Variants in AFTPH observed in about 807,000 individuals in gnomAD.
AFTPH encodes aftiphilin protein.
AFTPH carries 7 observed loss-of-function variants against 72.5 expected under a neutral mutation model. The observed-to-expected ratio is 0.10, with a 90% CI of 0.05 to 0.18. AFTPH has a LOEUF of 0.18. Among genes scored for constraint, AFTPH ranks in the 10% least tolerant of loss-of-function variants. AFTPH has a pLI of 1.00. For missense variants in AFTPH, 979 were observed against 1,060.5 expected (o/e 0.92, Z 1.07); for synonymous variants, 337 against 370.1 (o/e 0.91, Z 1.03).
chr2:64,552,303 A>C (rs549069405), exon 2 of AFTPH: 1 of 1,614,130 alleles, frequency 6.2e-7, no homozygotes, highest in Non-Finnish European at 8.5e-7. Context: ...GAATTCTGTA[A>C]AAGAAGTGGC....
intron 1 of AFTPH, among the ~76,000 whole-genome samples, chr2:64,548,021 G>C (rs1361685090): frequency 6.6e-6 from 1 of 151,446 alleles, no homozygotes; most frequent in African/African-American, 2.4e-5. Flanking sequence ...GAACTCCTGG[G>C]CTCAAGTAAT....
chr2:64,541,034 T>C (rs1670221136), intron 1 of AFTPH, among the ~76,000 whole-genome samples: 1 of 152,166 alleles, frequency 6.6e-6, no homozygotes, highest in Admixed American at 6.5e-5. Flanking sequence ...TTGATTAACT[T>C]GTGATTAATT....
intron 1 of AFTPH, among the ~76,000 whole-genome samples, chr2:64,540,081 G>A (rs1197100557): frequency 6.6e-6 from 1 of 152,170 alleles, no homozygotes. Flanking sequence ...CTGTAGACAA[G>A]ATTGTGGATG....
intron 1 of AFTPH, among the ~76,000 whole-genome samples, chr2:64,544,852 G>T (rs1464069777): frequency 6.6e-6 from 1 of 152,136 alleles, no homozygotes; most frequent in Non-Finnish European, 1.5e-5. Flanking sequence ...GCCAATACCT[G>T]CTGCAGGGGA....
intron 5 of AFTPH, among the ~76,000 whole-genome samples, chr2:64,571,583 TTTAG>T (rs1318927412): frequency 2.0e-5 from 3 of 152,186 alleles, no homozygotes; most frequent in Non-Finnish European, 4.4e-5. Context: ...TGCAAACTGT[TTTAG>T]TTAGTTTACA....
In AFTPH at chr2:64,592,009, A is replaced by C. The variant is rs151146587; in HGVS notation, c.2704A>C (p.Ser902Arg). ...CCCAGCCACGTTAACACCTTCCACA[A>C]GCTCTCAAGAAAAAGCAGACGGATA... Residue 902 changes from serine to arginine, a missense_variant, in exon 9 of 9, where the codon AGC (serine) becomes CGC (arginine). This residue lies in a region of AFTPH where 438 missense variants were observed against 530.0 expected (regional missense o/e 0.83). Transcript: ENST00000238856. 2.9e-4 allele frequency: 471 copies of C among 1,613,900 alleles called. 1 individual carries two copies. The African/African-American group carries it at 5.7e-3, about 19-fold the overall frequency.
At chr2:64,587,820 C>G (rs1033625807) in intron 8 of AFTPH, among the ~76,000 whole-genome samples, 1 of 152,096 alleles carries the variant, frequency 6.6e-6, no homozygotes. Context: ...GTTCCATCTT[C>G]TTGCCTAACT....
chr2:64,543,641 C>T (rs543943032), intron 1 of AFTPH, among the ~76,000 whole-genome samples: 6 of 152,318 alleles, frequency 3.9e-5, no homozygotes, highest in Non-Finnish European at 7.4e-5. Flanking sequence ...CCTTTCCCCA[C>T]CACACTGCAG....
At chr2:64,585,488 T>G (rs1558633774) in exon 8 of AFTPH, 1 of 1,613,782 alleles carries the variant, frequency 6.2e-7, no homozygotes. Flanking sequence ...AGCCTCAAAG[T>G]GACTGATGCA....
At chr2:64,531,126 A>G (rs1433503031) in intron 1 of AFTPH, among the ~76,000 whole-genome samples, 1 of 151,926 alleles carries the variant, frequency 6.6e-6, no homozygotes, top group Non-Finnish European at 1.5e-5. Flanking sequence ...ACTGTGTAGA[A>G]TGCCATTTTC....
intron 8 of AFTPH, among the ~76,000 whole-genome samples, chr2:64,586,332 T>G (rs951870808): frequency 1.3e-5 from 2 of 152,242 alleles, no homozygotes; most frequent in African/African-American, 4.8e-5. Context: ...AAAGTGGAAC[T>G]ATTTACCTAT....
In AFTPH at chr2:64,542,624, C is replaced by T. The variant is rs184589872; in HGVS notation, c.-32-8819C>T. ...ATTTAGTTTGTTATCAGCATCCCCC[C>T]GCCCCCATGCCCCCAAGCCTATGAA... On this transcript the variant is annotated intron_variant, in intron 1 of 8. Transcript: ENST00000238856. Among the ~76,000 whole-genome samples the T allele has an allele frequency of 3.4e-4, 51 of 152,028 alleles. No individual in the cohort carries two copies. The South Asian group carries it at 4.6e-3, about 14-fold the overall frequency.
intron 8 of AFTPH, among the ~76,000 whole-genome samples, chr2:64,587,076 A>C (rs1484425137): frequency 6.6e-6 from 1 of 152,174 alleles, no homozygotes; most frequent in Non-Finnish European, 1.5e-5. Context: ...CATTAGGAGG[A>C]GCTCTAAACC....
intron 5 of AFTPH, among the ~76,000 whole-genome samples, chr2:64,571,026 C>A (rs913603715): frequency 5.6e-5 from 8 of 143,238 alleles, no homozygotes; most frequent in African/African-American, 2.1e-4. Flanking sequence ...TTAAATGTAT[C>A]TCGCCCTCCC....
At chr2:64,549,720 A>G (rs7562739) in intron 1 of AFTPH, among the ~76,000 whole-genome samples, 10,319 of 152,170 alleles carry the variant, frequency 0.068, 982 homozygotes, top group African/African-American at 0.21. Context: ...GCTATTACAA[A>G]TTAATTAGTA....
rs771937216 is a variant in AFTPH, at chr2:64,552,083, A to T, written c.609A>T (p.Val203=). 6 of 1,614,064 alleles carry T rather than the reference A, an allele frequency of 3.7e-6. No individual in the cohort carries two copies. The East Asian group carries it at 1.3e-4, about 36-fold the overall frequency. ...AGGGAACAGATGATCTGGACAATGT[A>T]GCTGATTCAAAGGGACGGAAGCCTC... Residue 203 remains valine, a synonymous_variant, in exon 2 of 9, where the codon GTA becomes GTT. Coordinates refer to ENST00000238856, the Ensembl canonical transcript of AFTPH.
chr2:64,576,603 ACT>A (rs1672818183), intron 6 of AFTPH, among the ~76,000 whole-genome samples: 1 of 152,176 alleles, frequency 6.6e-6, no homozygotes. Flanking sequence ...AATACTTTAC[ACT>A]TTATTCATTG....
At chr2:64,584,764 T>G (rs1183447489) in intron 7 of AFTPH, among the ~76,000 whole-genome samples, 2 of 151,856 alleles carry the variant, frequency 1.3e-5, no homozygotes, top group African/African-American at 2.4e-5. Context: ...GCCCGGCTAA[T>G]TTTTTGTATT....
exon 2 of AFTPH, chr2:64,553,290 C>T: frequency 1.2e-6 from 2 of 1,614,110 alleles, no homozygotes; most frequent in Non-Finnish European, 1.7e-6. Flanking sequence ...CTGGCAGTCA[C>T]ATAGGACAGA....
Sources: allele counts gnomAD v4.1 joint callset (sites outside exome capture counted in the v4.1 genomes callset), GRCh38; gene constraint gnomAD v4.1.1; regional missense constraint gnomAD v4.1.1; transcripts MANE v1.5; gene names NCBI Gene and HGNC (gene_info 2026-07-23, HGNC 2026-07-21).